IGSF21: variants seen among roughly 807,000 people sequenced by gnomAD.
IGSF21 encodes the protein immunoglobulin superfamily member 21.
IGSF21 carries 28 observed loss-of-function variants against 46.8 expected under a neutral mutation model. The ratio of observed to expected loss-of-function variants is 0.60; its 90% CI spans 0.44 to 0.82. The LOEUF is 0.82. Among genes scored for constraint, IGSF21 ranks in the 40% least tolerant of loss-of-function variants. The pLI is 0.00. For missense variants in IGSF21, 624 were observed against 665.5 expected, an observed-to-expected ratio of 0.94 and a Z score of 0.69; for synonymous variants, 284 against 273.6, an observed-to-expected ratio of 1.04 and a Z score of -0.38.
chr1:18,206,782 T>C (rs2084332351), intron 1 of IGSF21, among the ~76,000 whole-genome samples: 2 of 152,256 alleles, frequency 1.3e-5, no homozygotes, highest in Non-Finnish European at 1.5e-5. Context: ...TGATGGGAGC[T>C]ACCTAAAGGC....
intron 2 of IGSF21, among the ~76,000 whole-genome samples, chr1:18,253,735 C>A (rs1557608878): frequency 6.6e-6 from 1 of 152,220 alleles, no homozygotes; most frequent in South Asian, 2.1e-4. Flanking sequence ...AACACCCTCT[C>A]TGCTTCCTCT....
At chr1:18,164,126 G>A (rs866611461) in intron 1 of IGSF21, among the ~76,000 whole-genome samples, 1 of 152,100 alleles carries the variant, frequency 6.6e-6, no homozygotes, top group Non-Finnish European at 1.5e-5. Flanking sequence ...CATTCTACAT[G>A]GCATGTATTA....
At chr1:18,132,498 C>A (rs2086330349) in intron 1 of IGSF21, among the ~76,000 whole-genome samples, 1 of 152,168 alleles carries the variant, frequency 6.6e-6, no homozygotes, top group Non-Finnish European at 1.5e-5. Context: ...CCTCAGCAGC[C>A]CCAGCCTGTA....
At chr1:18,190,904 C>A (rs572453226) in intron 1 of IGSF21, among the ~76,000 whole-genome samples, 7 of 152,278 alleles carry the variant, frequency 4.6e-5, no homozygotes, top group African/African-American at 1.7e-4. Context: ...GCAGCCAAGT[C>A]CTCTGGAAAA....
intron 1 of IGSF21, among the ~76,000 whole-genome samples, chr1:18,207,751 G>A (rs923440768): frequency 3.3e-5 from 5 of 152,192 alleles, no homozygotes; most frequent in African/African-American, 1.2e-4. Context: ...GAAGAATCTG[G>A]CAGGGGCTGG....
At chr1:18,156,009 G>A (rs1041690144) in intron 1 of IGSF21, among the ~76,000 whole-genome samples, 7 of 152,238 alleles carry the variant, frequency 4.6e-5, no homozygotes, top group Non-Finnish European at 7.3e-5. Context: ...ATGTGCCACC[G>A]GCCTGGCAGC....
intron 2 of IGSF21, among the ~76,000 whole-genome samples, chr1:18,252,056 T>G (rs983560955): frequency 1.5e-5 from 2 of 136,266 alleles, no homozygotes; most frequent in Non-Finnish European, 1.6e-5. Context: ...TTTTTTTTTT[T>G]TTTTTTTTTT....
chr1:18,355,816 C>CCAT (rs1371195791), intron 4 of IGSF21, among the ~76,000 whole-genome samples: 1 of 148,886 alleles, frequency 6.7e-6, no homozygotes, highest in African/African-American at 2.5e-5. Context: ...GAAACTCTGC[C>CCAT]CATGTCTAGA....
At chr1:18,226,723 A>G (rs2084570902) in intron 1 of IGSF21, among the ~76,000 whole-genome samples, 1 of 152,224 alleles carries the variant, frequency 6.6e-6, no homozygotes. Flanking sequence ...GGTCAGGCCC[A>G]TGGGCTCCAT....
intron 1 of IGSF21, among the ~76,000 whole-genome samples, chr1:18,163,811 C>A (rs1375194512): frequency 1.3e-5 from 2 of 152,190 alleles, no homozygotes; most frequent in Non-Finnish European, 2.9e-5. Flanking sequence ...GTCTTCACAG[C>A]CTAGGGGCAC....
At chr1:18,275,244 A>G (rs1387291894) in intron 2 of IGSF21, among the ~76,000 whole-genome samples, 1 of 152,160 alleles carries the variant, frequency 6.6e-6, no homozygotes, top group Non-Finnish European at 1.5e-5. Flanking sequence ...TCCCTGGGAA[A>G]CCACACTGGG....
chr1:18,176,922 C>T (rs12131282), intron 1 of IGSF21, among the ~76,000 whole-genome samples: 31,547 of 152,108 alleles, frequency 0.21, 4,094 homozygotes, highest in Non-Finnish European at 0.3. Flanking sequence ...TTATTGAGCT[C>T]CTATTTGCTG....
intron 1 of IGSF21, among the ~76,000 whole-genome samples, chr1:18,195,678 A>G (rs10907294): frequency 0.25 from 38,688 of 152,134 alleles, 6,195 homozygotes; most frequent in Non-Finnish European, 0.34. Context: ...TTTCTCCTGC[A>G]TTCCCTGCAC....
rs111721151 is a variant in IGSF21, at chr1:18,225,062, A to ATCTCTCTCTCTC, written c.71-2823_71-2812dup. Among the ~76,000 whole-genome samples the ATCTCTCTCTCTC allele has an allele frequency of 1.2e-3, 77 of 63,730 alleles. 9 individuals are homozygous for ATCTCTCTCTCTC. The highest frequency in any genetic ancestry group is 1.5e-3 in the African/African-American group (26 of 16,944). 41.8% of individuals were successfully genotyped at this position (63,730 alleles called of 152,430 possible). A position where few individuals can be genotyped will look rare whatever the true frequency, so the allele number is the denominator to read the frequency against. On this transcript the variant is annotated intron_variant, in intron 1 of 9. Transcript: ENST00000251296. ...CCTGGATGACAGAGTGAGACTCTGT[A>ATCTCTCTCTCTC]TCTCTCTCTCTCTCTCTCTCTCTCA... is the stretch of plus-strand genomic sequence containing the variant.
Position 18,210,004 on chromosome 1 carries a change from C to G in IGSF21, c.71-17894C>G, listed in dbSNP as rs75084665. On this transcript the variant is annotated intron_variant, in intron 1 of 9. Transcript: ENST00000251296. The stretch of plus-strand genomic sequence containing the variant: ...CACCCAACCCCTCCATTCAATGAGA[C>G]GTCTACAGTCTGCACCTGGGCCTTC... 2.0e-5 allele frequency among the ~76,000 whole-genome samples: 3 copies of G among 152,136 alleles called. No homozygotes were observed. The East Asian group carries it at 5.8e-4, about 30-fold the overall frequency.
intron 1 of IGSF21, among the ~76,000 whole-genome samples, chr1:18,199,870 C>A (rs556922640): frequency 1.3e-5 from 2 of 152,156 alleles, no homozygotes; most frequent in African/African-American, 4.8e-5. Context: ...CTTGGGGGCT[C>A]ACACTAGGGA....
At chr1:18,173,055 G>A (rs1236055992) in intron 1 of IGSF21, among the ~76,000 whole-genome samples, 2 of 152,204 alleles carry the variant, frequency 1.3e-5, no homozygotes, top group Admixed American at 6.5e-5. Flanking sequence ...TTGGGAGGCC[G>A]AAGCAGGTGG....
At chr1:18,254,300 C>T (rs977423213) in intron 2 of IGSF21, among the ~76,000 whole-genome samples, 8 of 145,170 alleles carry the variant, frequency 5.5e-5, no homozygotes, top group African/African-American at 2.2e-4. Context: ...CCCCATTTCC[C>T]TCTTTTTGAG....
At chr1:18,276,288 G>T (rs1006528211) in intron 2 of IGSF21, among the ~76,000 whole-genome samples, 1 of 152,182 alleles carries the variant, frequency 6.6e-6, no homozygotes, top group African/African-American at 2.4e-5. Flanking sequence ...GATCTGGTCT[G>T]CAGGGGTCAA....
Sources: allele counts gnomAD v4.1 joint callset (sites outside exome capture counted in the v4.1 genomes callset), GRCh38; gene constraint gnomAD v4.1.1; transcripts MANE v1.5; gene names NCBI Gene and HGNC (gene_info 2026-07-23, HGNC 2026-07-21).